The following TPGS2 variants were observed in gnomAD, a reference collection of about 807,000 sequenced individuals.
TPGS2 encodes polyglutamylase subunit 2.
A neutral mutation model predicts 31.1 loss-of-function variants in TPGS2; 26 were observed. The observed-to-expected ratio is 0.84, with a 90% CI of 0.61 to 1.16. TPGS2 has a LOEUF of 1.16. Ranked by LOEUF, TPGS2 falls within the 50% of genes most tolerant of loss-of-function variation. The probability of loss-of-function intolerance (pLI) is 0.00; values close to 1 mark genes in which losing one functional copy is unlikely to be tolerated. For missense variants in TPGS2, 351 were observed against 363.8 expected (o/e 0.96, Z 0.29); for synonymous variants, 130 against 136.6 (o/e 0.95, Z 0.34).
downstream of TPGS2, among the ~76,000 whole-genome samples, chr18:36,790,968 G>A (rs963933737): frequency 5.3e-5 from 8 of 152,240 alleles, no homozygotes; most frequent in East Asian, 1.9e-4. Flanking sequence ...ATCTCATGTC[G>A]AATTGTAATC....
Position 36,818,895 on chromosome 18 carries a change from T to A in TPGS2, c.164A>T (p.Gln55Leu). 1 of 1,613,520 alleles carries A rather than the reference T, an allele frequency of 6.2e-7. No homozygotes were observed. Among genetic ancestry groups the A allele is most frequent in the South Asian group, 1.1e-5 (1 of 91,002 alleles). ...TAGAGTTCATGTGGCAACACTTACT[T>A]GTTCCCAGGAAGAAATCATATGACG... ...AERHMISSWEQKNNCVMPEDV... is the reference protein window; with the variant it reads ...AERHMISSWELKNNCVMPEDV... The change falls in exon 2 of 7, where the codon CAA becomes CTA. Residue 55 changes from glutamine to leucine, a missense_variant and splice_region_variant. Coordinates refer to ENST00000334295, the MANE Select transcript of TPGS2 (RefSeq NM_015476.4).
At chr18:36,793,727 T>C (rs1023376543), downstream of TPGS2, among the ~76,000 whole-genome samples, 3 of 151,052 alleles carry the variant, frequency 2.0e-5, no homozygotes, top group Admixed American at 1.3e-4. Flanking sequence ...TAAATGCTCA[T>C]ATTTTCTTTT....
At chr18:36,810,284 C>T (rs1476425014) in intron 2 of TPGS2, among the ~76,000 whole-genome samples, 1 of 152,190 alleles carries the variant, frequency 6.6e-6, no homozygotes, top group Non-Finnish European at 1.5e-5. Flanking sequence ...TGACCACATA[C>T]TTGCTTCAGT....
intron 6 of TPGS2, among the ~76,000 whole-genome samples, chr18:36,783,988 C>T (rs533361310): frequency 2.6e-5 from 4 of 152,068 alleles, no homozygotes; most frequent in African/African-American, 4.8e-5. Flanking sequence ...TGAAGACAGA[C>T]GAAATTGGAG....
chr18:36,802,267 G>A (rs1307401409), intron 4 of TPGS2, among the ~76,000 whole-genome samples: 1 of 152,218 alleles, frequency 6.6e-6, no homozygotes, highest in African/African-American at 2.4e-5. Context: ...GGTGCTGACT[G>A]AGGTCTGCCC....
chr18:36,792,306 G>C (rs1040606618), downstream of TPGS2, among the ~76,000 whole-genome samples: 1 of 152,074 alleles, frequency 6.6e-6, no homozygotes, highest in African/African-American at 2.4e-5. Context: ...AGTAAATATG[G>C]GTCTACCTAC....
intron 4 of TPGS2, among the ~76,000 whole-genome samples, chr18:36,800,693 CTT>C (rs143440654): frequency 6.3e-5 from 9 of 143,268 alleles, no homozygotes; most frequent in Admixed American, 1.4e-4. Context: ...ATCTTTCTTT[CTT>C]TTTTTTTTTT....
intron 6 of TPGS2, among the ~76,000 whole-genome samples, chr18:36,797,772 C>T (rs937825069): frequency 2.6e-5 from 4 of 151,778 alleles, no homozygotes; most frequent in African/African-American, 9.7e-5. Context: ...TTTCCAGCCA[C>T]ACTTGGTGTT....
At chr18:36,786,085 G>A (rs1027015979) in intron 6 of TPGS2, among the ~76,000 whole-genome samples, 2 of 152,224 alleles carry the variant, frequency 1.3e-5, no homozygotes, top group African/African-American at 4.8e-5. Flanking sequence ...ATCAAAAGGT[G>A]AAGCAGAGAC....
At chr18:36,798,061 G>A (rs1438223273) in intron 6 of TPGS2, 17 of 768,560 alleles carry the variant, frequency 2.2e-5, no homozygotes, top group East Asian at 8.0e-5. Context: ...TGGGAAGGGC[G>A]TACAGGAAAC....
chr18:36,801,368 A>G (rs1198003997), intron 4 of TPGS2, among the ~76,000 whole-genome samples: 1 of 152,252 alleles, frequency 6.6e-6, no homozygotes, highest in Non-Finnish European at 1.5e-5. Context: ...TCTCCACTCT[A>G]TCACCTGGGC....
At chr18:36,821,194 C>G (rs1191260095) in intron 1 of TPGS2, 2 of 152,272 alleles carry the variant, frequency 1.3e-5, no homozygotes, top group Admixed American at 1.3e-4. Context: ...AACTGGCAGT[C>G]TCTCTTTGCC....
downstream of TPGS2, chr18:36,780,056 A>G: frequency 1.0e-6 from 1 of 983,070 alleles, no homozygotes; most frequent in South Asian, 5.2e-5. Flanking sequence ...GTTTAATGCC[A>G]TAATGAGAAA....
intron 5 of TPGS2, among the ~76,000 whole-genome samples, chr18:36,799,121 A>G (rs111888143): frequency 2.0e-5 from 3 of 152,210 alleles, no homozygotes; most frequent in African/African-American, 7.2e-5. Flanking sequence ...CCTGCCTCCC[A>G]GTTTGTGACT....
rs954954090 is a variant in TPGS2, at chr18:36,815,979, C to A, written c.165+2915G>T. Among the ~76,000 whole-genome samples, 65 of 152,200 alleles carry A rather than the reference C, an allele frequency of 4.3e-4. 1 individual carries two copies. The highest frequency in any genetic ancestry group is 1.5e-3 in the African/African-American group (64 of 41,512). ...TAGCTGGGACTACTGGTGTGCACGA[C>A]CACACCTTGTTTGTTTGTATATTAG... is the stretch of plus-strand genomic sequence containing the variant. On this transcript the variant is annotated intron_variant, in intron 2 of 6. Transcript: ENST00000334295.
At chr18:36,805,289 C>T in intron 4 of TPGS2, 85 bp downstream of exon 4, 2 of 1,457,914 alleles carry the variant, frequency 1.4e-6, no homozygotes, top group East Asian at 4.6e-5. Flanking sequence ...TTCATTCATG[C>T]ACCAAGATTC....
In TPGS2 at chr18:36,809,685, T is replaced by G. The variant is rs1339547390; in HGVS notation, c.166-1751A>C. ...ACAGGAAGCCTACAGTTACCAGTGT[T>G]CTGCAAGGTCCTTGCTCCTCTCGTC... On this transcript the variant is annotated intron_variant, in intron 2 of 6. Transcript: ENST00000334295. Among the ~76,000 whole-genome samples the G allele has an allele frequency of 2.0e-5, 3 of 152,308 alleles. No individual in the cohort carries two copies. In the East Asian group the frequency reaches 5.8e-4, roughly 29 times the overall value.
At chr18:36,812,764 G>A (rs1385358655) in intron 2 of TPGS2, among the ~76,000 whole-genome samples, 2 of 152,242 alleles carry the variant, frequency 1.3e-5, no homozygotes, top group Admixed American at 6.5e-5. Flanking sequence ...GCAGTCTTGT[G>A]AGACTGAGCC....
chr18:36,794,300 G>GAGTC lies in TPGS2; in HGVS notation c.*2501_*2504dup. The stretch of plus-strand genomic sequence containing the variant: ...TTTGTACTGGATCCTGCACTGAGTG[G>GAGTC]AGTCAGTCCTGCTCTTCCCTGCTCA... On this transcript the variant is annotated 3_prime_UTR_variant, in exon 7 of 7. Transcript: ENST00000334295. 1.0e-6 allele frequency: 1 copy of GAGTC among 985,302 alleles called. No individual in the cohort carries two copies. Among genetic ancestry groups the GAGTC allele is most frequent in the East Asian group, 1.1e-4 (1 of 8,826 alleles). 61.0% of individuals were successfully genotyped at this position (985,302 alleles called of 1,614,324 possible).
Sources: gnomAD v4.1 joint callset for allele counts (sites outside exome capture counted in the v4.1 genomes callset) on GRCh38, gnomAD v4.1.1 for gene constraint, MANE v1.5 for transcripts, NCBI Gene and HGNC (gene_info 2026-07-23, HGNC 2026-07-21) for gene names.